The following LINGO1 variants were observed in gnomAD, a reference collection of about 807,000 sequenced individuals.
The protein encoded by LINGO1 is leucine-rich repeat and immunoglobulin-like domain-containing nogo receptor-interacting protein 1.
A neutral mutation model predicts 37.3 loss-of-function variants in LINGO1; 11 were observed. The ratio of observed to expected loss-of-function variants is 0.29; its 90% confidence interval spans 0.19 to 0.49. The LOEUF (loss-of-function observed/expected upper bound fraction) is 0.49, where lower values mean the gene tolerates loss of function less well. Ranked by LOEUF, LINGO1 falls within the 20% of genes least tolerant of loss-of-function variation. The pLI, the probability that LINGO1 is intolerant of heterozygous loss-of-function variation, is 0.99. For synonymous variants in LINGO1, 387 were observed against 403.0 expected, an observed-to-expected ratio of 0.96 and a Z score of 0.48; for missense variants, 585 against 878.2, an observed-to-expected ratio of 0.67 and a Z score of 4.22.
rs4078465 is a variant in LINGO1 at position 77,684,218 on chromosome 15, T to C, written c.-99+6502A>G. On this transcript the variant is annotated intron_variant, in intron 2 of 3. Coordinates refer to the LINGO1 transcript ENST00000559893. ...GTGGTGACAGTCGACATTTAGGAAG[T>C]GCACCTCGTTCACTGGGGGCTGTGC... Among the ~76,000 whole-genome samples, 24 of 152,330 alleles carry C rather than the reference T, an allele frequency of 1.6e-4. No individual in the cohort carries two copies. The East Asian group carries it at 4.6e-3, about 29-fold the overall frequency.
chr15:77,647,781 C>G (rs2074667787), intron 3 of LINGO1: 2 of 446,916 alleles, frequency 4.5e-6, no homozygotes, highest in South Asian at 3.2e-5. Flanking sequence ...TCACCCCTCT[C>G]TCTCTTCTTT....
At chr15:77,770,218 G>A (rs1022498000) in intron 1 of LINGO1, among the ~76,000 whole-genome samples, 2 of 152,146 alleles carry the variant, frequency 1.3e-5, no homozygotes, top group Non-Finnish European at 2.9e-5. Context: ...ACTAGGCACT[G>A]GGTGGGGCTC....
intron 2 of LINGO1, among the ~76,000 whole-genome samples, chr15:77,683,647 T>C (rs974934076): frequency 6.6e-6 from 1 of 152,182 alleles, no homozygotes; most frequent in African/African-American, 2.4e-5. Flanking sequence ...TTTCCTTTTT[T>C]AGCAATACAC....
intron 2 of LINGO1, among the ~76,000 whole-genome samples, chr15:77,717,509 A>C (rs2075998854): frequency 1.3e-5 from 2 of 150,688 alleles, no homozygotes; most frequent in African/African-American, 4.8e-5. Flanking sequence ...CTCCACTGGC[A>C]CACCACGTGT....
At chr15:77,622,063 C>T (rs989881078) in intron 1 of LINGO1, among the ~76,000 whole-genome samples, 8 of 152,136 alleles carry the variant, frequency 5.3e-5, no homozygotes, top group African/African-American at 1.4e-4. Flanking sequence ...CCTTGATGCC[C>T]GCCGTGCCCG....
At position 77,702,958 on chromosome 15, in the gene LINGO1, C is replaced by T. The variant is rs78130806; in HGVS notation, c.-194-12057G>A. On this transcript the variant is annotated intron_variant, in intron 2 of 3. Coordinates refer to the LINGO1 transcript ENST00000561686. ...ACAGTCTCTTTCCTTCTTTCTGTGA[C>T]ACAGTCCGGCCACACAGAGGGGACT... 1.9e-3 allele frequency among the ~76,000 whole-genome samples: 292 copies of T among 152,312 alleles called. 4 individuals carry two copies. Among genetic ancestry groups the T allele is most frequent in the African/African-American group, 6.8e-3 (281 of 41,558 alleles).
chr15:77,698,929 G>T (rs1743764744), upstream of LINGO1, among the ~76,000 whole-genome samples: 1 of 152,084 alleles, frequency 6.6e-6, no homozygotes, highest in Non-Finnish European at 1.5e-5. Flanking sequence ...GCCCTAGTGG[G>T]TGCCCCGTGC....
rs1419232932 is a variant in LINGO1, at chr15:77,632,318, C to G, written c.-3G>C. The G allele has an allele frequency of 6.9e-7, 1 of 1,440,266 alleles. No homozygotes were observed. The highest frequency in any genetic ancestry group is 9.1e-7 in the Non-Finnish European group (1 of 1,097,482). The allele number at this position is 1,440,266 out of a possible 1,614,324, so 89.2% of individuals were successfully genotyped here. A position where few individuals can be genotyped will look rare whatever the true frequency, so the allele number is the denominator to read the frequency against. On this transcript the variant is annotated 5_prime_UTR_variant, in exon 1 of 2. Coordinates refer to ENST00000355300, the MANE Select transcript of LINGO1 (RefSeq NM_032808.7). The surrounding 1 kb of genome is among the most constrained non-coding windows in gnomAD (Gnocchi z 6.0). ...GCGGCCGCCTGGCTCACCTGCATCTCGGGCGCGCCTTCGGTCCGCTCGGCT... is the reference window on the plus strand; with the variant it reads ...GCGGCCGCCTGGCTCACCTGCATCTGGGGCGCGCCTTCGGTCCGCTCGGCT...
chr15:77,662,359 G>A (rs1467245814), intron 3 of LINGO1, among the ~76,000 whole-genome samples: 1 of 152,196 alleles, frequency 6.6e-6, no homozygotes, highest in Non-Finnish European at 1.5e-5. Context: ...GTCAGAGGGA[G>A]GAAGGATGGG....
At chr15:77,633,400 T>C (rs1470055329), upstream of LINGO1, among the ~76,000 whole-genome samples, 1 of 152,218 alleles carries the variant, frequency 6.6e-6, no homozygotes, top group African/African-American at 2.4e-5. Flanking sequence ...ACAGGGTTGT[T>C]TGGAGGGCGG....
intron 2 of LINGO1, among the ~76,000 whole-genome samples, chr15:77,724,935 G>C (rs1013272198): frequency 1.3e-5 from 2 of 152,220 alleles, no homozygotes; most frequent in Admixed American, 6.5e-5. Flanking sequence ...ACGGTGTGTG[G>C]ACCCGGCCAC....
intron 3 of LINGO1, among the ~76,000 whole-genome samples, chr15:77,644,633 G>A (rs1052576877): frequency 6.6e-6 from 1 of 152,204 alleles, no homozygotes; most frequent in Non-Finnish European, 1.5e-5. Flanking sequence ...CTAAGCCCAG[G>A]GGCAGGCTGA....
chr15:77,700,803 G>C (rs1329086306), upstream of LINGO1, among the ~76,000 whole-genome samples: 1 of 152,206 alleles, frequency 6.6e-6, no homozygotes, highest in Non-Finnish European at 1.5e-5. Flanking sequence ...GGCTGCAGCA[G>C]CTCAGCTTGG....
intron 2 of LINGO1, among the ~76,000 whole-genome samples, chr15:77,702,300 C>G (rs1310749844): frequency 6.6e-6 from 1 of 152,126 alleles, no homozygotes; most frequent in Non-Finnish European, 1.5e-5. Context: ...GGCTGGGGGA[C>G]ACCTGCATCA....
At chr15:77,652,531 T>TGTGTGTGTGTGTGTGTGTGTG (rs55988808) in intron 3 of LINGO1, among the ~76,000 whole-genome samples, 10 of 141,538 alleles carry the variant, frequency 7.1e-5, no homozygotes, top group East Asian at 5.9e-4. Flanking sequence ...TGTGTGTGTG[T>TGTGTGTGTGTGTGTGTGTGTG]TGCCAGAATA....
At chr15:77,702,759 G>T (rs1596131957) in intron 2 of LINGO1, among the ~76,000 whole-genome samples, 1 of 152,148 alleles carries the variant, frequency 6.6e-6, no homozygotes, top group East Asian at 1.9e-4. Context: ...GGCTAAGCTT[G>T]CTCTTCCCAA....
chr15:77,666,030 C>T (rs1427261964), intron 3 of LINGO1, among the ~76,000 whole-genome samples: 2 of 152,220 alleles, frequency 1.3e-5, no homozygotes, highest in African/African-American at 4.8e-5. Flanking sequence ...CAGGGCACAG[C>T]GAGGACCTGT....
intron 1 of LINGO1, among the ~76,000 whole-genome samples, chr15:77,800,152 G>C (rs1220267926): frequency 6.6e-6 from 1 of 152,238 alleles, no homozygotes; most frequent in African/African-American, 2.4e-5. Context: ...CAGGAAAAGA[G>C]TCTCTTCCAG....
At chr15:77,699,788 C>CA (rs2075759695), upstream of LINGO1, among the ~76,000 whole-genome samples, 1 of 56 alleles carries the variant, frequency 0.018, no homozygotes, top group Non-Finnish European at 0.033. Context: ...CCCCCTCTAC[C>CA]TCCCTGGTGG....
Sources: gnomAD v4.1 joint callset for allele counts (sites outside exome capture counted in the v4.1 genomes callset) on GRCh38, gnomAD v4.1.1 for gene constraint, Gnocchi (gnomAD v3.1) non-coding constraint, MANE v1.5 for transcripts, NCBI Gene and HGNC (gene_info 2026-07-23, HGNC 2026-07-21) for gene names.